PPP6R1: variants seen among roughly 807,000 people sequenced by gnomAD.
PPP6R1 encodes protein phosphatase 6 regulatory subunit 1.
A neutral mutation model predicts 104.6 loss-of-function variants in PPP6R1; 39 were observed. That is an observed-to-expected ratio of 0.37 (90% confidence interval 0.29 to 0.49). The LOEUF is 0.49. Among genes scored for constraint, PPP6R1 ranks in the 20% least tolerant of loss-of-function variants. The probability of loss-of-function intolerance (pLI) is 0.98; values close to 1 mark genes in which losing one functional copy is unlikely to be tolerated. For missense variants in PPP6R1, 1,181 were observed against 1,155.8 expected (o/e 1.02, Z -0.32); for synonymous variants, 549 against 479.0 (o/e 1.15, Z -1.91).
downstream of PPP6R1, chr19:55,228,330 C>T (rs376766021): frequency 5.2e-5 from 84 of 1,613,814 alleles, no homozygotes; most frequent in African/African-American, 4.0e-4. Flanking sequence ...CGGGCAGGCA[C>T]TTGACCAGGG....
intron 11 of PPP6R1, 58 bp downstream of exon 11, chr19:55,240,178 C>T (rs1342326346): frequency 5.0e-5 from 78 of 1,561,760 alleles, no homozygotes; most frequent in Non-Finnish European, 6.5e-5. Flanking sequence ...AGCCCCAGCC[C>T]GGCCCCCCAT....
chr19:55,229,703 C>T (rs1006424304), downstream of PPP6R1: 2 of 152,274 alleles, frequency 1.3e-5, no homozygotes, highest in Non-Finnish European at 2.9e-5. Context: ...GTCAGGAGCA[C>T]CCCCAGCCTC....
chr19:55,240,624 C>T (rs1490318050), intron 10 of PPP6R1, among the ~76,000 whole-genome samples: 1 of 143,046 alleles, frequency 7.0e-6, no homozygotes, highest in Non-Finnish European at 1.6e-5. Context: ...CACTCACACA[C>T]ATACATGCTC....
Position 55,245,336 on chromosome 19 carries a change from C to T in PPP6R1, c.481G>A (p.Ala161Thr), listed in dbSNP as rs1270046713. 1 of 1,611,050 alleles carries T rather than the reference C, an allele frequency of 6.2e-7. No individual in the cohort carries two copies. Among genetic ancestry groups the T allele is most frequent in the African/African-American group, 1.3e-5 (1 of 74,994 alleles). Residue 161 changes from alanine (A) to threonine (T), a missense_variant, in exon 4 of 24, where the codon GCC (alanine) becomes ACC (threonine). This residue lies in a region of PPP6R1 where 1,042 missense variants were observed against 955.6 expected (regional missense o/e 1.09). Transcript: ENST00000412770. The surrounding 1 kb of genome is among the most constrained non-coding windows in gnomAD (Gnocchi z 6.4). Reference sequence around the variant, plus strand: ...AGGCGCAGCAGGAGGTCCATGATGGCCGAGGTGCCAATGTGCTGCAGCAGC... The same window carrying T: ...AGGCGCAGCAGGAGGTCCATGATGGTCGAGGTGCCAATGTGCTGCAGCAGC... ...DLLLQHIGTS[A>T]IMDLLLRLLT...
In PPP6R1 at chr19:55,240,008, G is replaced by C; in HGVS notation, c.1468C>G (p.Leu490Val). The C allele has an allele frequency of 6.2e-7, 1 of 1,603,126 alleles. No homozygotes were observed. The highest frequency in any genetic ancestry group is 8.5e-7 in the Non-Finnish European group (1 of 1,175,738). Residue 490 changes from leucine to valine, a missense_variant, in exon 12 of 24, where the codon CTG (leucine) becomes GTG (valine). By Grantham distance (32) the Leu-to-Val change is conservative. Coordinates refer to ENST00000412770, the MANE Select transcript of PPP6R1 (RefSeq NM_014931.4). ...GCCTGGGGACCCTCACCCTTCAGCA[G>C]CTGCCGCAGCTGCTCTGCATTGGGC... Reference protein sequence around the residue: ...KGPNAEQLRQLLKELPSEQQE... With the variant: ...KGPNAEQLRQVLKELPSEQQE...
At position 55,245,284 on chromosome 19, in the gene PPP6R1, A is replaced by T. The variant is rs537618065; in HGVS notation, c.533T>A (p.Leu178Gln). 6.3e-7 allele frequency: 1 copy of T among 1,598,882 alleles called. No homozygotes were observed. The highest frequency in any genetic ancestry group is 1.3e-5 in the African/African-American group (1 of 74,634). The change falls in exon 4 of 24, where the codon CTG becomes CAG. Residue 178 changes from leucine to glutamine, a missense_variant. This residue lies in a region of PPP6R1 where 1,042 missense variants were observed against 955.6 expected (regional missense o/e 1.09). Coordinates refer to ENST00000412770, the MANE Select transcript of PPP6R1 (RefSeq NM_014931.4). This position sits in a 1 kb window ranked among gnomAD's most constrained non-coding sequence, Gnocchi z 6.4. ...GCTCACATTGACAACATCCTGCCTCAGCTGAGGCCGCTCCACACAGGTGAG... is the reference window on the plus strand; with the variant it reads ...GCTCACATTGACAACATCCTGCCTCTGCTGAGGCCGCTCCACACAGGTGAG... ...RLLTCVERPQLRQDVVNWLNE... is the reference protein window; with the variant it reads ...RLLTCVERPQQRQDVVNWLNE...
At chr19:55,258,110 A>T (rs1294475642) in intron 1 of PPP6R1, among the ~76,000 whole-genome samples, 1 of 152,210 alleles carries the variant, frequency 6.6e-6, no homozygotes, top group Non-Finnish European at 1.5e-5. Context: ...GGGGCCGGGG[A>T]ACCGGCCAGA....
intron 15 of PPP6R1, among the ~76,000 whole-genome samples, chr19:55,238,382 TG>T (rs2087418121): frequency 6.6e-6 from 1 of 152,242 alleles, no homozygotes; most frequent in Admixed American, 6.5e-5. Flanking sequence ...TCCCTCATCG[TG>T]GTGTCCCTTA....
chr19:55,248,385 G>A (rs895551421), intron 1 of PPP6R1, among the ~76,000 whole-genome samples: 6 of 152,266 alleles, frequency 3.9e-5, no homozygotes, highest in Non-Finnish European at 7.3e-5. Flanking sequence ...GCTCTCACCA[G>A]TTAAGACACT....
At chr19:55,238,290 A>G (rs73068656) in intron 15 of PPP6R1, among the ~76,000 whole-genome samples, 13,085 of 152,316 alleles carry the variant, frequency 0.086, 659 homozygotes, top group African/African-American at 0.12. Flanking sequence ...TGCTGGGCAC[A>G]GAAGCAGCCA....
At chr19:55,240,913 A>T (rs1258968924) in intron 10 of PPP6R1, 32 bp downstream of exon 10, 2 of 1,598,216 alleles carry the variant, frequency 1.3e-6, no homozygotes, top group Non-Finnish European at 1.7e-6. Flanking sequence ...GGATGGGCCC[A>T]GAAGGAGGGG....
chr19:55,239,787 A>C, intron 13 of PPP6R1, 39 bp downstream of exon 13: 1 of 1,604,180 alleles, frequency 6.2e-7, no homozygotes, highest in Non-Finnish European at 8.5e-7. Flanking sequence ...AAGAGAGAGA[A>C]GCAGCAGGAG....
intron 5 of PPP6R1, among the ~76,000 whole-genome samples, chr19:55,244,192 T>C (rs1390247220): frequency 6.6e-6 from 1 of 152,210 alleles, no homozygotes; most frequent in African/African-American, 2.4e-5. Flanking sequence ...GGCCCCAGCC[T>C]GGGTGAGCCC....
chr19:55,243,775 CTT>C (rs1312165326), intron 5 of PPP6R1, among the ~76,000 whole-genome samples: 1 of 152,138 alleles, frequency 6.6e-6, no homozygotes, highest in African/African-American at 2.4e-5. Context: ...GTCTCAGACT[CTT>C]GAGTAGCTAG....
At chr19:55,228,766 C>T, downstream of PPP6R1, 1 of 1,611,658 alleles carries the variant, frequency 6.2e-7, no homozygotes, top group South Asian at 1.1e-5. Context: ...CCCAGAGCGA[C>T]CTAATCTGGG....
chr19:55,247,001 G>A lies in PPP6R1; in HGVS notation c.103C>T (p.Gln35Ter). The change falls in exon 2 of 24, where the codon CAG (glutamine) becomes TAG (stop). Residue 35 changes from glutamine (Q) to a stop codon, truncating the protein, a stop_gained. Transcript: ENST00000412770. LOFTEE classifies it high-confidence loss of function. ...TTGCGGTTGACGACCTTGCACTCCT[G>A]CAGCACGTCTTCCTCGTCCAGCAGC... is the stretch of plus-strand genomic sequence containing the variant. ...PELLDEEDVL[Q>*]ECKVVNRKLL... is the part of the protein sequence containing the mutation. 6.2e-7 allele frequency: 1 copy of A among 1,613,914 alleles called. No homozygotes were observed. Among genetic ancestry groups the A allele is most frequent in the Non-Finnish European group, 8.5e-7 (1 of 1,179,886 alleles).
chr19:55,243,045 C>T (rs1306666842), intron 5 of PPP6R1, among the ~76,000 whole-genome samples: 2 of 152,146 alleles, frequency 1.3e-5, no homozygotes, highest in African/African-American at 4.8e-5. Flanking sequence ...GAACACAGGG[C>T]ATCTTTTTTA....
chr19:55,230,108 C>T lies in PPP6R1; in HGVS notation c.*420G>A, dbSNP rs541563877. The stretch of plus-strand genomic sequence containing the variant: ...GTGGGCGTGGCCGTCTGCGCTGCAG[C>T]GTGGGACAGCTGGGCACGTGGGTGG... On this transcript the variant is annotated 3_prime_UTR_variant, in exon 24 of 24. Transcript: ENST00000412770. The T allele has an allele frequency of 5.2e-4, 98 of 187,028 alleles. No homozygotes were observed. In the South Asian group the frequency reaches 5.5e-3, roughly 11 times the overall value. The allele number at this position is 187,028 out of a possible 1,614,324, so 11.6% of individuals were successfully genotyped here. A position where few individuals can be genotyped will look rare whatever the true frequency, so the allele number is the denominator to read the frequency against.
intron 1 of PPP6R1, among the ~76,000 whole-genome samples, chr19:55,254,060 G>A (rs565454841): frequency 6.6e-5 from 10 of 152,162 alleles, no homozygotes; most frequent in South Asian, 2.1e-4. Flanking sequence ...GTAGGGGACC[G>A]GTCACTACCC....
Sources: allele counts gnomAD v4.1 joint callset (sites outside exome capture counted in the v4.1 genomes callset), GRCh38; gene constraint gnomAD v4.1.1; regional missense constraint gnomAD v4.1.1; non-coding constraint Gnocchi (gnomAD v3.1); transcripts MANE v1.5; gene names NCBI Gene and HGNC (gene_info 2026-07-23, HGNC 2026-07-21).